Variants in TENM4 observed in about 807,000 individuals in gnomAD.
TENM4 encodes the protein teneurin-4.
Under a neutral mutation model 243.3 loss-of-function variants are expected in TENM4, and 82 were observed. That is an observed-to-expected ratio of 0.34 (90% confidence interval 0.28 to 0.40). The LOEUF (loss-of-function observed/expected upper bound fraction) is 0.40. Ranked by LOEUF, TENM4 falls within the 10% of genes least tolerant of loss-of-function variation. The pLI is 1.00. For synonymous variants in TENM4, 1,412 were observed against 1,456.3 expected, an observed-to-expected ratio of 0.97 and a Z score of 0.69; for missense variants, 3,138 against 3,673.3, an observed-to-expected ratio of 0.85 and a Z score of 3.77.
chr11:78,789,290 G>T (rs56719969), intron 15 of TENM4, among the ~76,000 whole-genome samples: 4,953 of 102,274 alleles, frequency 0.048, 285 homozygotes, highest in African/African-American at 0.12. Context: ...CGACCTGCCT[G>T]TATGAGACTG....
intron 3 of TENM4, among the ~76,000 whole-genome samples, chr11:79,186,959 G>A (rs1863391603): frequency 6.6e-6 from 1 of 152,144 alleles, no homozygotes; most frequent in African/African-American, 2.4e-5. Flanking sequence ...TACATTGCAG[G>A]TGATATTATA....
chr11:78,987,783 T>C (rs746766428), intron 6 of TENM4, among the ~76,000 whole-genome samples: 6 of 152,328 alleles, frequency 3.9e-5, no homozygotes, highest in African/African-American at 1.2e-4. Context: ...ATTTATTCTA[T>C]CTCATCTAAT....
intron 29 of TENM4, among the ~76,000 whole-genome samples, chr11:78,683,922 C>G (rs1858589444): frequency 6.6e-6 from 1 of 152,232 alleles, no homozygotes; most frequent in Non-Finnish European, 1.5e-5. Flanking sequence ...ACTCTCCTGT[C>G]TCTGGCCCTT....
At position 79,254,189 on chromosome 11, in the gene TENM4, T is replaced by G. The variant is rs142434369; in HGVS notation, c.-264-38280A>C. 3.0e-3 allele frequency among the ~76,000 whole-genome samples: 459 copies of G among 152,248 alleles called. 1 individual carries two copies. The highest frequency in any genetic ancestry group is 0.01 in the African/African-American group (423 of 41,544). On this transcript the variant is annotated intron_variant, in intron 2 of 33. Transcript: ENST00000278550. ...CTATTATTAGAAATTTACTCTCCAC[T>G]TACACCCATCCCCCAAAACATGCCA...
intron 2 of TENM4, among the ~76,000 whole-genome samples, chr11:79,219,967 T>C (rs1294846281): frequency 6.6e-6 from 1 of 152,184 alleles, no homozygotes; most frequent in African/African-American, 2.4e-5. Flanking sequence ...ACCACCCTCC[T>C]CTCTGGCAAG....
intron 2 of TENM4, among the ~76,000 whole-genome samples, chr11:79,274,837 G>A (rs2135351525): frequency 6.6e-6 from 1 of 152,294 alleles, no homozygotes. Flanking sequence ...GTTTGGCTTT[G>A]GCATGGGTGC....
At chr11:79,019,530 T>C (rs1038576447) in intron 6 of TENM4, among the ~76,000 whole-genome samples, 2 of 152,250 alleles carry the variant, frequency 1.3e-5, no homozygotes, top group African/African-American at 4.8e-5. Flanking sequence ...TATTTGAATG[T>C]CATATCTTCC....
At chr11:79,354,267 C>T (rs545745741) in intron 1 of TENM4, among the ~76,000 whole-genome samples, 44 of 152,258 alleles carry the variant, frequency 2.9e-4, no homozygotes, top group Non-Finnish European at 5.0e-4. Flanking sequence ...CGGAGATCTT[C>T]GGGGAAGGCA....
chr11:78,979,355 G>A (rs987031490), intron 6 of TENM4, among the ~76,000 whole-genome samples: 4 of 152,190 alleles, frequency 2.6e-5, no homozygotes, highest in African/African-American at 7.2e-5. Flanking sequence ...GAGCAAACCC[G>A]GAATATGCAA....
chr11:79,262,422 G>A (rs188917302), intron 2 of TENM4, among the ~76,000 whole-genome samples: 247 of 152,312 alleles, frequency 1.6e-3, no homozygotes, highest in Non-Finnish European at 2.9e-3. Context: ...CTGGCTCAGG[G>A]TAGGGAGCCC....
intron 5 of TENM4, among the ~76,000 whole-genome samples, chr11:79,068,758 G>C (rs1398647340): frequency 6.6e-6 from 1 of 152,180 alleles, no homozygotes; most frequent in East Asian, 1.9e-4. Flanking sequence ...AATCACCGAG[G>C]CACCAGGGTA....
chr11:79,329,840 G>A (rs1331626273), intron 1 of TENM4, among the ~76,000 whole-genome samples: 1 of 152,184 alleles, frequency 6.6e-6, no homozygotes, highest in South Asian at 2.1e-4. Context: ...AGTGTTCTGG[G>A]AAGCCACGGG....
intron 6 of TENM4, among the ~76,000 whole-genome samples, chr11:78,961,430 A>G (rs1167381607): frequency 2.0e-5 from 3 of 152,164 alleles, no homozygotes; most frequent in Admixed American, 6.5e-5. Flanking sequence ...AGGGGATACA[A>G]GCTGGTCACC....
intron 6 of TENM4, among the ~76,000 whole-genome samples, chr11:79,012,323 C>T (rs1858667270): frequency 6.6e-6 from 1 of 152,160 alleles, no homozygotes; most frequent in African/African-American, 2.4e-5. Context: ...AGCCAAGGTC[C>T]TGAAGAAAAC....
chr11:78,874,393 TGAAA>T (rs1253526295), intron 9 of TENM4, among the ~76,000 whole-genome samples: 2 of 152,186 alleles, frequency 1.3e-5, no homozygotes, highest in Non-Finnish European at 2.9e-5. Flanking sequence ...AGTTAATGAA[TGAAA>T]GAACACCCAA....
chr11:79,068,119 C>T (rs1565190416), intron 5 of TENM4: 1 of 152,212 alleles, frequency 6.6e-6, no homozygotes, highest in Non-Finnish European at 1.5e-5. Flanking sequence ...CAGGACGGAG[C>T]AAAAGAAAAG....
chr11:78,702,449 C>T (rs1171186445), intron 27 of TENM4, 46 bp from the exon 28 acceptor site: 10 of 1,574,546 alleles, frequency 6.4e-6, no homozygotes, highest in Non-Finnish European at 8.6e-6. Context: ...AAGATGCCCA[C>T]CACTAATCCA....
intron 3 of TENM4, among the ~76,000 whole-genome samples, chr11:79,161,862 A>G (rs1862753083): frequency 6.6e-6 from 1 of 152,198 alleles, no homozygotes; most frequent in Non-Finnish European, 1.5e-5. Context: ...CTGCACCAGA[A>G]AATGACCCAA....
chr11:79,088,648 A>G (rs1029919263), intron 4 of TENM4, among the ~76,000 whole-genome samples: 2 of 152,204 alleles, frequency 1.3e-5, no homozygotes, highest in Admixed American at 6.5e-5. Flanking sequence ...TATGACTACT[A>G]TTGCTAAGTA....
Sources: allele counts gnomAD v4.1 joint callset (sites outside exome capture counted in the v4.1 genomes callset), GRCh38; gene constraint gnomAD v4.1.1; transcripts MANE v1.5; gene names NCBI Gene and HGNC (gene_info 2026-07-23, HGNC 2026-07-21).